ASB9: variants seen among roughly 807,000 people sequenced by gnomAD.
ASB9 encodes ankyrin repeat and SOCS box protein 9.
ASB9 carries 5 observed loss-of-function variants against 16.6 expected under a neutral mutation model. The ratio of observed to expected loss-of-function variants is 0.30; its 90% CI spans 0.16 to 0.63. ASB9 has a LOEUF of 0.63. ASB9 is among the 30% of genes least tolerant of loss of function. The pLI is 0.82. For synonymous variants in ASB9, 100 were observed against 86.4 expected, an observed-to-expected ratio of 1.16 and a Z score of -0.87; for missense variants, 216 against 229.4, an observed-to-expected ratio of 0.94 and a Z score of 0.38.
intron 6 of ASB9, among the ~76,000 whole-genome samples, chrX:15,244,861 A>G (rs1284044196): frequency 2.7e-5 from 3 of 111,559 alleles, no homozygotes; most frequent in Admixed American, 9.6e-5. Flanking sequence ...AACAGAGTGA[A>G]AGAAATTTAA....
In ASB9 at chrX:15,250,482, A is replaced by G. The variant is rs1236046962; in HGVS notation, c.516T>C (p.Tyr172=). 2.5e-6 allele frequency: 3 copies of G among 1,209,238 alleles called. No individual in the cohort carries two copies. The highest frequency in any genetic ancestry group is 3.4e-6 in the Non-Finnish European group (3 of 894,309). Residue 172 remains tyrosine (Y), a synonymous_variant, in exon 5 of 7, where the codon TAT becomes TAC. Coordinates refer to ENST00000380488, the MANE Select transcript of ASB9 (RefSeq NM_001031739.3). ...CTCTCTGTTGGTTTTCACAAGCCAA[A>G]TAGAGTGGAGTGCCCAGGTGGCTGA... ...HKISHLGTPL[Y]LACENQQRAC... is the part of the protein sequence containing the mutation.
intron 1 of ASB9, among the ~76,000 whole-genome samples, chrX:15,263,053 T>C (rs1449306611): frequency 1.8e-5 from 2 of 112,325 alleles, no homozygotes; most frequent in Admixed American, 1.9e-4. Context: ...TTAGGGAGGC[T>C]GCCATTTCAT....
In ASB9 at chrX:15,244,617, C is replaced by T. The variant is rs759028989; in HGVS notation, c.774G>A (p.Leu258=). 8.3e-6 allele frequency: 10 copies of T among 1,198,812 alleles called. No homozygotes were observed. The Admixed American group carries it at 2.0e-4, about 24-fold the overall frequency. The part of the protein sequence containing the change: ...LFLEREGPPS[L]MQLCRLRIRK... Reference sequence around the variant, plus strand: ...GAATTCTAAGGCGGCATAACTGCATCAAAGAAGGGGGCCCTGGAGAAAGAT... The same window carrying T: ...GAATTCTAAGGCGGCATAACTGCATTAAAGAAGGGGGCCCTGGAGAAAGAT... The change falls in exon 7 of 7, where the codon TTG becomes TTA. Residue 258 remains leucine (L), a synonymous_variant. Transcript: ENST00000380488.
chrX:15,266,129 G>T (rs1051302259), intron 1 of ASB9, among the ~76,000 whole-genome samples: 2 of 110,527 alleles, frequency 1.8e-5, no homozygotes, highest in Admixed American at 1.9e-4. Context: ...AGTAGAGATG[G>T]GGTTTCACCA....
Position 15,250,526 on chromosome X carries a change from C to T in ASB9, c.472G>A (p.Gly158Ser). ...ECVNSLIAYG[G>S]NIDHKISHLG... The stretch of plus-strand genomic sequence containing the variant: ...TGGCTGATCTTATGGTCAATGTTGC[C>T]CCCATAAGCTATAAGAGAGTTGACA... The change falls in exon 5 of 7, where the codon GGC becomes AGC. Residue 158 changes from glycine to serine, a missense_variant. Coordinates refer to ENST00000380488, the MANE Select transcript of ASB9 (RefSeq NM_001031739.3). 8.3e-7 allele frequency: 1 copy of T among 1,208,870 alleles called. No homozygotes were observed. Among genetic ancestry groups the T allele is most frequent in the Non-Finnish European group, 1.1e-6 (1 of 893,410 alleles).
At chrX:15,255,745 T>C (rs1320746060) in intron 2 of ASB9, among the ~76,000 whole-genome samples, 1 of 112,021 alleles carries the variant, frequency 8.9e-6, no homozygotes, top group Non-Finnish European at 1.9e-5. Context: ...GGCTCTACCT[T>C]GTGAGACAAT....
intron 1 of ASB9, among the ~76,000 whole-genome samples, chrX:15,266,463 T>G (rs909257937): frequency 1.1e-4 from 12 of 112,013 alleles, no homozygotes; most frequent in Admixed American, 1.0e-3. Flanking sequence ...CTCCTCCACT[T>G]AGCTCTTCAA....
chrX:15,263,695 C>A (rs747728808), intron 1 of ASB9, among the ~76,000 whole-genome samples: 1 of 111,124 alleles, frequency 9.0e-6, no homozygotes, highest in African/African-American at 3.3e-5. Flanking sequence ...AAAACTCACC[C>A]CTCCTGAGGT....
chrX:15,270,035 G>T lies in ASB9; in HGVS notation c.-161C>A. On this transcript the variant is annotated 5_prime_UTR_variant, in exon 1 of 7. Transcript: ENST00000380488. ...CTGCAGCAAAGCACAGAGCAGGCAG[G>T]GTAATCTGAGTGCTACCTGTGATCA... 1 of 386,333 alleles carries T rather than the reference G, an allele frequency of 2.6e-6. No homozygotes were observed. 31.8% of individuals were successfully genotyped at this position (386,333 alleles called of 1,213,427 possible).
chrX:15,268,345 A>AAAACG (rs2147667646), intron 1 of ASB9, among the ~76,000 whole-genome samples: 2 of 108,081 alleles, frequency 1.9e-5, no homozygotes, highest in South Asian at 8.4e-4. Flanking sequence ...AAAACAAAAC[A>AAAACG]AAACAAAACA....
At chrX:15,260,839 G>A (rs1037976965) in intron 1 of ASB9, among the ~76,000 whole-genome samples, 6 of 112,151 alleles carry the variant, frequency 5.3e-5, no homozygotes, top group Non-Finnish European at 9.4e-5. Context: ...CATGAGGCCC[G>A]TCTGTCTGCC....
rs1249831005 is a variant in ASB9 at position 15,252,414 on chromosome X, G to C, written c.283-10C>G. The C allele has an allele frequency of 8.4e-7, 1 of 1,190,096 alleles. No individual in the cohort carries two copies. Among genetic ancestry groups the C allele is most frequent in the Admixed American group, 2.3e-5 (1 of 43,530 alleles). ...CTGTCACACCATTCACCTGGTAAAAGAAGCTCCAGAATGAAGACAGGAAGG... is the reference window on the plus strand; with the variant it reads ...CTGTCACACCATTCACCTGGTAAAACAAGCTCCAGAATGAAGACAGGAAGG... On this transcript the variant is annotated splice_polypyrimidine_tract_variant and intron_variant, in intron 3 of 6. Coordinates refer to ENST00000380488, the MANE Select transcript of ASB9 (RefSeq NM_001031739.3).
At chrX:15,253,126 C>T (rs1569155197) in intron 3 of ASB9, among the ~76,000 whole-genome samples, 1 of 110,442 alleles carries the variant, frequency 9.1e-6, no homozygotes, top group Non-Finnish European at 1.9e-5. Flanking sequence ...CCCAGCTACT[C>T]GGGAGGCTGA....
intron 1 of ASB9, among the ~76,000 whole-genome samples, chrX:15,268,050 G>A (rs368834003): frequency 9.0e-6 from 1 of 111,221 alleles, no homozygotes; most frequent in African/African-American, 3.3e-5. Flanking sequence ...CCTGACTGAC[G>A]GCCGGGCGTG....
chrX:15,266,943 A>AAAAG (rs1926472775), intron 1 of ASB9, among the ~76,000 whole-genome samples: 1 of 109,944 alleles, frequency 9.1e-6, no homozygotes, highest in Non-Finnish European at 1.9e-5. Context: ...CTCAAAAAAA[A>AAAAG]AAAAAAAAAA....
At chrX:15,267,760 A>AC (rs1026135808) in intron 1 of ASB9, among the ~76,000 whole-genome samples, 1 of 99,884 alleles carries the variant, frequency 1.0e-5, no homozygotes, top group African/African-American at 3.7e-5. Context: ...AACAAAAAAA[A>AC]AAAAAAAAAA....
intron 1 of ASB9, among the ~76,000 whole-genome samples, chrX:15,259,797 G>C (rs892695974): frequency 8.9e-6 from 1 of 112,504 alleles, no homozygotes; most frequent in South Asian, 3.6e-4. Flanking sequence ...CAGTCAAAAC[G>C]TTGTTTCATG....
At chrX:15,258,371 CCTAA>C (rs1340246092) in intron 2 of ASB9, among the ~76,000 whole-genome samples, 3 of 111,827 alleles carry the variant, frequency 2.7e-5, no homozygotes, top group Non-Finnish European at 5.6e-5. Flanking sequence ...TGAGAAGTAG[CCTAA>C]CTTCTTTTAG....
intron 4 of ASB9, 106 bp from the exon 5 acceptor site, chrX:15,250,670 G>A: frequency 1.4e-6 from 1 of 696,030 alleles, no homozygotes; most frequent in Middle Eastern, 3.2e-4. Context: ...CTTATCCAGG[G>A]GACCAAAAAG....
Sources: allele counts gnomAD v4.1 joint callset (sites outside exome capture counted in the v4.1 genomes callset), GRCh38; gene constraint gnomAD v4.1.1; transcripts MANE v1.5; gene names NCBI Gene and HGNC (gene_info 2026-07-23, HGNC 2026-07-21).